The following DLGAP2 variants were observed in gnomAD, a reference collection of about 807,000 sequenced individuals.
The protein encoded by DLGAP2 is DLG associated protein 2.
Under a neutral mutation model 100.3 loss-of-function variants are expected in DLGAP2, and 26 were observed. That is an observed-to-expected ratio of 0.26 (90% CI 0.19 to 0.36). DLGAP2 has a LOEUF of 0.36. Ranked by LOEUF, DLGAP2 falls within the 10% of genes least tolerant of loss-of-function variation. The probability of loss-of-function intolerance (pLI) is 1.00; values close to 1 mark genes in which losing one functional copy is unlikely to be tolerated. For missense variants in DLGAP2, 1,858 were observed against 1,453.2 expected, an observed-to-expected ratio of 1.28 and a Z score of -4.53; for synonymous variants, 886 against 630.1, an observed-to-expected ratio of 1.41 and a Z score of -6.08.
intron 2 of DLGAP2, among the ~76,000 whole-genome samples, chr8:1,041,574 T>C (rs77685336): frequency 0.031 from 4,576 of 146,596 alleles, 186 homozygotes; most frequent in East Asian, 0.13. Flanking sequence ...TGGGTGAGTG[T>C]TCTCCGAACC....
At chr8:1,655,562 G>A (rs1352755617) in intron 8 of DLGAP2, among the ~76,000 whole-genome samples, 2 of 152,212 alleles carry the variant, frequency 1.3e-5, no homozygotes, top group East Asian at 3.8e-4. Flanking sequence ...ATTGAATTCA[G>A]AAGTGGTGTC....
intron 4 of DLGAP2, among the ~76,000 whole-genome samples, chr8:1,539,333 G>C (rs966346040): frequency 2.0e-5 from 3 of 152,208 alleles, no homozygotes; most frequent in African/African-American, 4.8e-5. Context: ...CCACAGACAA[G>C]TTGTCAAGTC....
chr8:1,347,414 C>A (rs147633444), intron 3 of DLGAP2, among the ~76,000 whole-genome samples: 7,743 of 130,704 alleles, frequency 0.059, 269 homozygotes, highest in Middle Eastern at 0.23. Flanking sequence ...GTTCCCATAC[C>A]CATCTGCATT....
At chr8:1,223,532 G>A (rs909240812) in intron 2 of DLGAP2, among the ~76,000 whole-genome samples, 4 of 152,184 alleles carry the variant, frequency 2.6e-5, no homozygotes, top group Non-Finnish European at 5.9e-5. Context: ...TATAAGAAGG[G>A]CTGCTTGAAA....
intron 5 of DLGAP2, among the ~76,000 whole-genome samples, chr8:1,564,774 A>G (rs1312125588): frequency 6.6e-6 from 1 of 152,228 alleles, no homozygotes; most frequent in Non-Finnish European, 1.5e-5. Flanking sequence ...TCAGCTCTGT[A>G]CCAGGCAGAC....
At chr8:1,301,177 G>A (rs1219830369) in intron 3 of DLGAP2, 1 of 152,386 alleles carries the variant, frequency 6.6e-6, no homozygotes, top group Non-Finnish European at 1.5e-5. Context: ...CTCCGCCAGT[G>A]CTGTGGATCC....
chr8:1,591,094 T>G (rs1315254842), intron 6 of DLGAP2, among the ~76,000 whole-genome samples: 1 of 152,218 alleles, frequency 6.6e-6, no homozygotes, highest in Non-Finnish European at 1.5e-5. Context: ...GCTGCAGAAC[T>G]GGGTGCACTC....
intron 2 of DLGAP2, among the ~76,000 whole-genome samples, chr8:921,600 G>A (rs773632698): frequency 1.3e-5 from 2 of 152,230 alleles, no homozygotes; most frequent in Non-Finnish European, 2.9e-5. Flanking sequence ...CTGGTCCCGT[G>A]TCCCTTCTGC....
intron 2 of DLGAP2, among the ~76,000 whole-genome samples, chr8:1,189,672 A>C (rs1797591778): frequency 6.6e-6 from 1 of 152,238 alleles, no homozygotes; most frequent in Non-Finnish European, 1.5e-5. Flanking sequence ...GATCAATGAC[A>C]GGGCCGAGTT....
At chr8:1,343,450 C>T (rs1801465802) in intron 3 of DLGAP2, among the ~76,000 whole-genome samples, 1 of 152,110 alleles carries the variant, frequency 6.6e-6, no homozygotes, top group Admixed American at 6.5e-5. Flanking sequence ...AGTGACTGAG[C>T]CTAGATGCCT....
At chr8:851,992 G>A (rs1475443962) in intron 1 of DLGAP2, among the ~76,000 whole-genome samples, 3 of 152,154 alleles carry the variant, frequency 2.0e-5, no homozygotes, top group Non-Finnish European at 1.5e-5. Context: ...GCTAGTGGGC[G>A]GCGGTCCTGG....
chr8:1,413,418 A>C (rs1211549144), intron 3 of DLGAP2, among the ~76,000 whole-genome samples: 1 of 152,228 alleles, frequency 6.6e-6, no homozygotes. Flanking sequence ...GAAGCATAAA[A>C]AAGACTTTCA....
chr8:777,480 G>A (rs1821556692), intron 1 of DLGAP2, among the ~76,000 whole-genome samples: 1 of 151,782 alleles, frequency 6.6e-6, no homozygotes, highest in African/African-American at 2.4e-5. Flanking sequence ...ATTTTGCAGT[G>A]GCTGGTACCA....
At chr8:1,511,635 G>A (rs535444272) in intron 4 of DLGAP2, among the ~76,000 whole-genome samples, 215 of 147,692 alleles carry the variant, frequency 1.5e-3, no homozygotes, top group Middle Eastern at 3.6e-3. Context: ...AGGACAATCA[G>A]TAGATGACCA....
At chr8:864,392 C>T (rs961322160) in intron 1 of DLGAP2, among the ~76,000 whole-genome samples, 6 of 152,146 alleles carry the variant, frequency 3.9e-5, no homozygotes, top group African/African-American at 1.4e-4. Context: ...ACTACACACC[C>T]TAATTTGTCC....
At chr8:1,593,404 G>A (rs146534298) in intron 6 of DLGAP2, among the ~76,000 whole-genome samples, 3,079 of 152,048 alleles carry the variant, frequency 0.02, 43 homozygotes, top group Middle Eastern at 0.034. Context: ...GCAGTGAGCC[G>A]AGATCGCGCC....
At chr8:1,675,661 A>G (rs1365496125) in intron 10 of DLGAP2, among the ~76,000 whole-genome samples, 1 of 152,102 alleles carries the variant, frequency 6.6e-6, no homozygotes, top group African/African-American at 2.4e-5. Flanking sequence ...TATTTTTAAG[A>G]AGGGAGAGAT....
chr8:1,081,368 T>C (rs1343672128), intron 2 of DLGAP2, among the ~76,000 whole-genome samples: 5 of 152,252 alleles, frequency 3.3e-5, no homozygotes, highest in Non-Finnish European at 5.9e-5. Context: ...GAAAGTTTTT[T>C]TGAGATGGAA....
At chr8:1,168,318 T>G (rs1044707189) in intron 2 of DLGAP2, among the ~76,000 whole-genome samples, 17 of 151,850 alleles carry the variant, frequency 1.1e-4, no homozygotes, top group African/African-American at 3.9e-4. Flanking sequence ...TCTTTGCTAT[T>G]GTGAATAGTG....
Sources: allele counts gnomAD v4.1 joint callset (sites outside exome capture counted in the v4.1 genomes callset), GRCh38; gene constraint gnomAD v4.1.1; transcripts MANE v1.5; gene names NCBI Gene and HGNC (gene_info 2026-07-23, HGNC 2026-07-21).